Variants in SULT1E1 observed in about 807,000 individuals in gnomAD.
SULT1E1 encodes sulfotransferase 1E1.
A neutral mutation model predicts 33.6 loss-of-function variants in SULT1E1; 36 were observed. The observed-to-expected ratio is 1.07, with a 90% CI of 0.82 to 1.41. The LOEUF is 1.41. Ranked by LOEUF, SULT1E1 falls within the 40% of genes most tolerant of loss-of-function variation. SULT1E1 has a pLI of 0.00. For missense variants in SULT1E1, 371 were observed against 345.7 expected (o/e 1.07, Z -0.58); for synonymous variants, 121 against 111.7 (o/e 1.08, Z -0.53).
chr4:69,830,420 G>C, the SULT1E1 span, among the ~76,000 whole-genome samples: 1 of 152,198 alleles, frequency 6.6e-6, no homozygotes, highest in Non-Finnish European at 1.5e-5. Context: ...AGTAGCCTCA[G>C]GGTTGAACAG....
At chr4:69,851,013 T>C (rs979881410) in intron 4 of SULT1E1, among the ~76,000 whole-genome samples, 6 of 152,254 alleles carry the variant, frequency 3.9e-5, no homozygotes, top group African/African-American at 1.4e-4. Flanking sequence ...GATTCACTTG[T>C]GATTGTAATC....
the SULT1E1 span, among the ~76,000 whole-genome samples, chr4:69,834,870 C>T: frequency 2.0e-4 from 31 of 152,056 alleles, no homozygotes; most frequent in Admixed American, 2.0e-3. Flanking sequence ...TTCCTCATTT[C>T]TATTTCGCCC....
At chr4:69,831,096 G>A in the SULT1E1 span, among the ~76,000 whole-genome samples, 1 of 152,146 alleles carries the variant, frequency 6.6e-6, no homozygotes, top group Non-Finnish European at 1.5e-5. Context: ...GTACCCACTC[G>A]GATTTAACTC....
At chr4:69,835,767 A>G in the SULT1E1 span, among the ~76,000 whole-genome samples, 1 of 152,172 alleles carries the variant, frequency 6.6e-6, no homozygotes, top group Non-Finnish European at 1.5e-5. Flanking sequence ...GAACTTTGTT[A>G]TTGAGTAGAG....
rs537892935 is a variant in SULT1E1 at position 69,858,715 on chromosome 4, C to T, written c.-9-1062G>A. Among the ~76,000 whole-genome samples, 232 of 152,232 alleles carry T rather than the reference C, an allele frequency of 1.5e-3. 1 individual carries two copies. Among genetic ancestry groups the T allele is most frequent in the Non-Finnish European group, 2.7e-3 (183 of 67,978 alleles). ...CACCAAAAATATGAGATTTCTATTTCCAAAATGCATATTAGCCTTATCAAT... is the reference window on the plus strand; with the variant it reads ...CACCAAAAATATGAGATTTCTATTTTCAAAATGCATATTAGCCTTATCAAT... On this transcript the variant is annotated intron_variant, in intron 1 of 7. Transcript: ENST00000226444.
At chr4:69,856,900 C>A (rs1440612795) in intron 2 of SULT1E1, among the ~76,000 whole-genome samples, 1 of 129,814 alleles carries the variant, frequency 7.7e-6, no homozygotes, top group African/African-American at 2.9e-5. Context: ...CGCGCCACTG[C>A]ACTCCAGCCT....
At chr4:69,834,516 T>C in the SULT1E1 span, among the ~76,000 whole-genome samples, 1 of 152,206 alleles carries the variant, frequency 6.6e-6, no homozygotes. Context: ...CAAGCTGCTG[T>C]CTTCTTTCAA....
chr4:69,822,871 A>G, the SULT1E1 span, among the ~76,000 whole-genome samples: 2 of 151,970 alleles, frequency 1.3e-5, no homozygotes, highest in Admixed American at 1.3e-4. Flanking sequence ...ACAAATAAAG[A>G]AAAAAGTGAA....
rs188444476 is a variant in SULT1E1, at chr4:69,845,570, T to C, written c.592-1229A>G. Among the ~76,000 whole-genome samples, 164 of 151,514 alleles carry C rather than the reference T, an allele frequency of 1.1e-3. 1 individual carries two copies. Among genetic ancestry groups the C allele is most frequent in the Admixed American group, 4.3e-3 (65 of 15,194 alleles). On this transcript the variant is annotated intron_variant, in intron 6 of 7. Transcript: ENST00000226444. Reference sequence around the variant, plus strand: ...AATATATACACAAAATCTTATTTTATATATACAGACATATGTGTATATATA... The same window carrying C: ...AATATATACACAAAATCTTATTTTACATATACAGACATATGTGTATATATA...
intron 1 of SULT1E1, among the ~76,000 whole-genome samples, chr4:69,857,944 A>T (rs188807705): frequency 6.6e-6 from 1 of 152,324 alleles, no homozygotes; most frequent in African/African-American, 2.4e-5. Flanking sequence ...TTATTCCGTG[A>T]TAAATAAAAA....
At chr4:69,836,407 A>C (rs1720797943), downstream of SULT1E1, among the ~76,000 whole-genome samples, 1 of 152,208 alleles carries the variant, frequency 6.6e-6, no homozygotes, top group South Asian at 2.1e-4. Context: ...GGTTAAATAC[A>C]CCTTGTCCTT....
At chr4:69,831,501 G>A in the SULT1E1 span, among the ~76,000 whole-genome samples, 1 of 152,032 alleles carries the variant, frequency 6.6e-6, no homozygotes, top group Non-Finnish European at 1.5e-5. Context: ...TAATATCCTC[G>A]GCCAGCCAAC....
At chr4:69,833,032 T>C in the SULT1E1 span, among the ~76,000 whole-genome samples, 209 of 152,330 alleles carry the variant, frequency 1.4e-3, 4 homozygotes, top group Non-Finnish European at 1.4e-3. Flanking sequence ...TGAGTCTGCC[T>C]AACACAGGCA....
chr4:69,848,799 T>C (rs2110068855), intron 5 of SULT1E1, among the ~76,000 whole-genome samples: 1 of 152,098 alleles, frequency 6.6e-6, no homozygotes, highest in African/African-American at 2.4e-5. Flanking sequence ...AATGGCCTTC[T>C]TTAGAATACT....
chr4:69,833,457 G>A, the SULT1E1 span, among the ~76,000 whole-genome samples: 3 of 152,306 alleles, frequency 2.0e-5, no homozygotes, highest in Non-Finnish European at 2.9e-5. Flanking sequence ...ACGCATGACT[G>A]AAATTGCTAA....
chr4:69,827,842 C>T, the SULT1E1 span, among the ~76,000 whole-genome samples: 7 of 152,178 alleles, frequency 4.6e-5, no homozygotes, highest in Non-Finnish European at 8.8e-5. Flanking sequence ...GCCAATTACC[C>T]GTGAGGGCTT....
At chr4:69,854,525 A>C (rs1721197856) in intron 3 of SULT1E1, among the ~76,000 whole-genome samples, 1 of 152,162 alleles carries the variant, frequency 6.6e-6, no homozygotes. Flanking sequence ...AAAACATCTC[A>C]TGTGCCCCAT....
the SULT1E1 span, among the ~76,000 whole-genome samples, chr4:69,830,442 G>A: frequency 1.3e-5 from 2 of 152,206 alleles, no homozygotes; most frequent in African/African-American, 4.8e-5. Flanking sequence ...GTGTACAACC[G>A]AAATGCCTCA....
At chr4:69,829,261 T>C in the SULT1E1 span, among the ~76,000 whole-genome samples, 148 of 152,180 alleles carry the variant, frequency 9.7e-4, no homozygotes, top group Non-Finnish European at 1.4e-3. Flanking sequence ...AAGAGAGGGG[T>C]ATTCCACAGT....
Sources: allele counts gnomAD v4.1 joint callset (sites outside exome capture counted in the v4.1 genomes callset), GRCh38; gene constraint gnomAD v4.1.1; transcripts MANE v1.5; gene names NCBI Gene and HGNC (gene_info 2026-07-23, HGNC 2026-07-21).